Variants in PRR16 observed in about 807,000 individuals in gnomAD.
The protein encoded by PRR16 is proline rich 16.
PRR16 carries 6 observed loss-of-function variants against 18.2 expected under a neutral mutation model. The observed-to-expected ratio is 0.33, with a 90% CI of 0.18 to 0.65. PRR16 has a LOEUF of 0.65. Ranked by LOEUF, PRR16 falls within the 30% of genes least tolerant of loss-of-function variation. The pLI, the probability that PRR16 is intolerant of heterozygous loss-of-function variation, is 0.74. For missense variants in PRR16, 412 were observed against 376.6 expected (o/e 1.09, Z -0.78); for synonymous variants, 151 against 147.8 (o/e 1.02, Z -0.16).
At chr5:120,516,224 G>A (rs895834299) in intron 1 of PRR16, among the ~76,000 whole-genome samples, 9 of 152,022 alleles carry the variant, frequency 5.9e-5, no homozygotes, top group African/African-American at 2.2e-4. Flanking sequence ...AGGAGTTCGA[G>A]ACCAGCCTGG....
At chr5:120,618,167 T>C (rs986586817) in intron 1 of PRR16, among the ~76,000 whole-genome samples, 1 of 152,116 alleles carries the variant, frequency 6.6e-6, no homozygotes, top group African/African-American at 2.4e-5. Flanking sequence ...AATAAATCTG[T>C]TATATCTAAA....
At chr5:120,697,748 T>A in the PRR16 span, among the ~76,000 whole-genome samples, 2 of 143,684 alleles carry the variant, frequency 1.4e-5, no homozygotes, top group African/African-American at 5.1e-5. Flanking sequence ...GGAGTGGGGG[T>A]CGCAAGGTGC....
intron 1 of PRR16, among the ~76,000 whole-genome samples, chr5:120,474,486 CCATATTA>C (rs952265790): frequency 2.0e-5 from 3 of 152,142 alleles, no homozygotes; most frequent in African/African-American, 7.2e-5. Flanking sequence ...CCATCTTATT[CCATATTA>C]CTTAATATTG....
intron 1 of PRR16, among the ~76,000 whole-genome samples, chr5:120,483,989 C>A (rs926416708): frequency 7.9e-5 from 12 of 151,860 alleles, no homozygotes; most frequent in African/African-American, 2.9e-4. Flanking sequence ...TTGTAGATAC[C>A]AAATTAGAAG....
At chr5:120,729,199 G>C in the PRR16 span, among the ~76,000 whole-genome samples, 2 of 152,044 alleles carry the variant, frequency 1.3e-5, no homozygotes, top group African/African-American at 4.8e-5. Context: ...CTTAAGGAAG[G>C]ACTCAATATT....
chr5:120,567,754 TA>T (rs1426223943), intron 1 of PRR16, among the ~76,000 whole-genome samples: 1 of 152,208 alleles, frequency 6.6e-6, no homozygotes, highest in Admixed American at 6.5e-5. Flanking sequence ...CCTTCTGCCA[TA>T]AGTGTAAGTT....
intron 1 of PRR16, among the ~76,000 whole-genome samples, chr5:120,624,408 G>C (rs1206672657): frequency 1.3e-5 from 2 of 152,078 alleles, no homozygotes; most frequent in Non-Finnish European, 2.9e-5. Flanking sequence ...GAACAAAACT[G>C]ATCATGCCTC....
At chr5:120,765,511 C>T in the PRR16 span, among the ~76,000 whole-genome samples, 3 of 151,950 alleles carry the variant, frequency 2.0e-5, no homozygotes, top group African/African-American at 7.2e-5. Flanking sequence ...TTTAAAAGAA[C>T]ATTTTTTCCT....
intron 1 of PRR16, among the ~76,000 whole-genome samples, chr5:120,590,323 C>T (rs555034598): frequency 6.6e-6 from 1 of 152,140 alleles, no homozygotes; most frequent in Admixed American, 6.6e-5. Context: ...CTTCTGTGTC[C>T]TAAAGTTATT....
the PRR16 span, among the ~76,000 whole-genome samples, chr5:120,709,611 G>T: frequency 6.6e-6 from 1 of 151,866 alleles, no homozygotes; most frequent in Admixed American, 6.6e-5. Context: ...TTTTGTACCT[G>T]TTAACCAAAC....
rs186414577 is a variant in PRR16 at position 120,578,671 on chromosome 5, A to G, written c.160-107283A>G. 2.1e-4 allele frequency among the ~76,000 whole-genome samples: 32 copies of G among 152,234 alleles called. No individual in the cohort carries two copies. The East Asian group carries it at 5.8e-3, about 28-fold the overall frequency. ...ATTGATGGACATTTGGGTTTGTTCCATGTATTTGCTACTGTAAATAGTGCT... is the reference window on the plus strand; with the variant it reads ...ATTGATGGACATTTGGGTTTGTTCCGTGTATTTGCTACTGTAAATAGTGCT... On this transcript the variant is annotated intron_variant, in intron 1 of 1. Transcript: ENST00000407149.
chr5:120,583,075 G>T (rs1580751224), intron 1 of PRR16, among the ~76,000 whole-genome samples: 1 of 152,214 alleles, frequency 6.6e-6, no homozygotes, highest in African/African-American at 2.4e-5. Context: ...TATTGCCTGG[G>T]CTACCTTACA....
At chr5:120,701,735 T>G in the PRR16 span, among the ~76,000 whole-genome samples, 16 of 151,982 alleles carry the variant, frequency 1.1e-4, no homozygotes, top group South Asian at 1.5e-3. Flanking sequence ...ACTGAGGGGA[T>G]AGACAGGAGG....
intron 1 of PRR16, among the ~76,000 whole-genome samples, chr5:120,653,633 G>A (rs1011743333): frequency 1.3e-5 from 2 of 151,932 alleles, no homozygotes; most frequent in Non-Finnish European, 2.9e-5. Flanking sequence ...TTAGGCCTAG[G>A]TTTATGGTGA....
the PRR16 span, among the ~76,000 whole-genome samples, chr5:120,697,566 A>G: frequency 1.3e-5 from 2 of 152,324 alleles, no homozygotes; most frequent in Admixed American, 6.5e-5. Flanking sequence ...CCATGTGAAG[A>G]GACCACCAAA....
the PRR16 span, among the ~76,000 whole-genome samples, chr5:120,737,755 GT>G: frequency 6.6e-6 from 1 of 151,588 alleles, no homozygotes; most frequent in Non-Finnish European, 1.5e-5. Flanking sequence ...TGTTTTGTTG[GT>G]TTGTTTGGAT....
chr5:120,657,941 A>G (rs1006892590), intron 1 of PRR16: 1 of 151,964 alleles, frequency 6.6e-6, no homozygotes, highest in Admixed American at 6.6e-5. Context: ...TTCTAATGCT[A>G]TCCCAACACC....
chr5:120,710,953 C>T, the PRR16 span: 13 of 115,072 alleles, frequency 1.1e-4, no homozygotes, highest in Admixed American at 4.6e-4. Flanking sequence ...TTTTTTTTTT[C>T]CCCCCTCAGC....
intron 1 of PRR16, among the ~76,000 whole-genome samples, chr5:120,578,598 T>G (rs1435585654): frequency 6.6e-6 from 1 of 152,206 alleles, no homozygotes; most frequent in Non-Finnish European, 1.5e-5. Context: ...TATGGCTACA[T>G]AGTATTCCAT....
Sources: gnomAD v4.1 joint callset for allele counts (sites outside exome capture counted in the v4.1 genomes callset) on GRCh38, gnomAD v4.1.1 for gene constraint, MANE v1.5 for transcripts, NCBI Gene and HGNC (gene_info 2026-07-23, HGNC 2026-07-21) for gene names.